C3orf80: variants seen among roughly 807,000 people sequenced by gnomAD.
C3orf80 encodes the protein uncharacterized membrane protein C3orf80.
Under a neutral mutation model 15.8 loss-of-function variants are expected in C3orf80, and 10 were observed. The observed-to-expected ratio is 0.63, with a 90% CI of 0.39 to 1.07. The LOEUF (loss-of-function observed/expected upper bound fraction) is 1.07. Among genes scored for constraint, C3orf80 ranks in the 50% least tolerant of loss-of-function variants. The pLI is 0.01. For synonymous variants in C3orf80, 183 were observed against 192.0 expected, an observed-to-expected ratio of 0.95 and a Z score of 0.39; for missense variants, 364 against 379.3, an observed-to-expected ratio of 0.96 and a Z score of 0.34.
chr3:160,227,937 T>C lies in C3orf80; in HGVS notation c.*1558T>C, dbSNP rs1471291341. The C allele has an allele frequency of 6.6e-6, 1 of 152,196 alleles. No homozygotes were observed. Among genetic ancestry groups the C allele is most frequent in the Non-Finnish European group, 1.5e-5 (1 of 68,020 alleles). 9.4% of individuals were successfully genotyped at this position (152,196 alleles called of 1,614,324 possible). On this transcript the variant is annotated 3_prime_UTR_variant, in exon 1 of 1. Transcript: ENST00000326474. ...CGATTACACACATGGATCTCATACA[T>C]GTTTTTAGAACATTGTTCTTCTGAT...
Position 160,228,165 on chromosome 3 carries a change from G to A in C3orf80, c.*1786G>A, listed in dbSNP as rs898587854. ...TGACTAAAGAAAAATCATTTGAAGTGTATTAAAAAATAGCAAAACATTAAA... is the reference window on the plus strand; with the variant it reads ...TGACTAAAGAAAAATCATTTGAAGTATATTAAAAAATAGCAAAACATTAAA... On this transcript the variant is annotated 3_prime_UTR_variant, in exon 1 of 1. Coordinates refer to ENST00000326474, the MANE Select transcript of C3orf80 (RefSeq NM_001168214.2). The A allele has an allele frequency of 6.6e-6, 1 of 152,096 alleles. No individual in the cohort carries two copies. The highest frequency in any genetic ancestry group is 1.5e-5 in the Non-Finnish European group (1 of 67,972). 9.4% of individuals were successfully genotyped at this position (152,096 alleles called of 1,614,324 possible).
Position 160,225,560 on chromosome 3 carries a change from G to A in C3orf80, c.-76G>A. The A allele has an allele frequency of 8.1e-7, 1 of 1,231,032 alleles. No individual in the cohort carries two copies. Among genetic ancestry groups the A allele is most frequent in the Non-Finnish European group, 1.0e-6 (1 of 982,034 alleles). 76.3% of individuals were successfully genotyped at this position (1,231,032 alleles called of 1,614,324 possible). On this transcript the variant is annotated 5_prime_UTR_variant, in exon 1 of 1. Coordinates refer to ENST00000326474, the MANE Select transcript of C3orf80 (RefSeq NM_001168214.2). The surrounding 1 kb of genome is among the most constrained non-coding windows in gnomAD (Gnocchi z 5.6). Reference sequence around the variant, plus strand: ...CGCGGGACCCGAGCGGAGCGCCGGGGAGGGGCCGACGGACGCGAGGGCGGA... The same window carrying A: ...CGCGGGACCCGAGCGGAGCGCCGGGAAGGGGCCGACGGACGCGAGGGCGGA...
In C3orf80 at chr3:160,226,100, C is replaced by G; in HGVS notation, c.465C>G (p.Asp155Glu). 6.7e-7 allele frequency: 1 copy of G among 1,488,794 alleles called. No homozygotes were observed. Among genetic ancestry groups the G allele is most frequent in the Admixed American group, 2.2e-5 (1 of 44,678 alleles). The allele number at this position is 1,488,794 out of a possible 1,614,324, so 92.2% of individuals were successfully genotyped here. Residue 155 changes from aspartate to glutamate, a missense_variant, in exon 1 of 1, where the codon GAC becomes GAG. Physicochemically the swap from Asp to Glu is conservative, Grantham distance 45. Transcript: ENST00000326474. The surrounding 1 kb of genome is among the most constrained non-coding windows in gnomAD (Gnocchi z 5.2). ...LRDEAAAGSQ[D>E]SLLDSGGGGR... ...ACGAGGCGGCAGCCGGCTCTCAGGA[C>G]TCACTGCTGGACAGTGGCGGCGGCG...
In C3orf80 at chr3:160,226,233, A is replaced by G. The variant is rs2108169551; in HGVS notation, c.598A>G (p.Lys200Glu). The change falls in exon 1 of 1, where the codon AAG becomes GAG. Residue 200 changes from lysine (K) to glutamate (E), a missense_variant. By Grantham distance (56) the Lys-to-Glu change is moderately conservative (BLOSUM62 1). Coordinates refer to ENST00000326474, the MANE Select transcript of C3orf80 (RefSeq NM_001168214.2). The surrounding 1 kb of genome is among the most constrained non-coding windows in gnomAD (Gnocchi z 5.2). Reference sequence around the variant, plus strand: ...GCAGCTGCCCAGCTACGAGGAGGTCAAGTATCTGCCCACCTACGAGGAGTC... The same window carrying G: ...GCAGCTGCCCAGCTACGAGGAGGTCGAGTATCTGCCCACCTACGAGGAGTC... Reference protein sequence around the residue: ...FLQLPSYEEVKYLPTYEESMR... With the variant: ...FLQLPSYEEVEYLPTYEESMR... 1 of 1,531,362 alleles carries G rather than the reference A, an allele frequency of 6.5e-7. No individual in the cohort carries two copies. Among genetic ancestry groups the G allele is most frequent in the Non-Finnish European group, 8.7e-7 (1 of 1,144,768 alleles). The allele number at this position is 1,531,362 out of a possible 1,614,324, so 94.9% of individuals were successfully genotyped here. A position where few individuals can be genotyped will look rare whatever the true frequency, so the allele number is the denominator to read the frequency against.
In C3orf80 at chr3:160,225,524, G is replaced by GA. The variant is rs1725646014; in HGVS notation, c.-111dup. The GA allele has an allele frequency of 9.5e-7, 1 of 1,057,052 alleles. No individual in the cohort carries two copies. Among genetic ancestry groups the GA allele is most frequent in the Non-Finnish European group, 1.2e-6 (1 of 827,952 alleles). The allele number at this position is 1,057,052 out of a possible 1,614,324, so 65.5% of individuals were successfully genotyped here. ...CCGGCCGCAGGTAGCTGAGGCGCGGGAGGCGGCGCGCGCGGGACCCGAGCG... is the reference window on the plus strand; with the variant it reads ...CCGGCCGCAGGTAGCTGAGGCGCGGGAAGGCGGCGCGCGCGGGACCCGAGCG... On this transcript the variant is annotated 5_prime_UTR_variant, in exon 1 of 1. Transcript: ENST00000326474. The surrounding 1 kb of genome is among the most constrained non-coding windows in gnomAD (Gnocchi z 5.6).
Position 160,226,175 on chromosome 3 carries a change from GCACGAGATGCGTGTAGTGT to G in C3orf80, c.542_560del (p.His181ArgfsTer163). ...GCTCGGACCCCTCCTGCGCCTCAGA[GCACGAGATGCGTGTAGTGT>G]CGCCGGTCTTCCTGCAGCTGCCCAG... is the stretch of plus-strand genomic sequence containing the variant. On this transcript the variant is annotated frameshift_variant, in exon 1 of 1. Coordinates refer to ENST00000326474, the MANE Select transcript of C3orf80 (RefSeq NM_001168214.2). LOFTEE classifies it high-confidence loss of function. The surrounding 1 kb of genome is among the most constrained non-coding windows in gnomAD (Gnocchi z 5.2). 1 of 1,529,738 alleles carries G rather than the reference GCACGAGATGCGTGTAGTGT, an allele frequency of 6.5e-7. No individual in the cohort carries two copies. The highest frequency in any genetic ancestry group is 8.7e-7 in the Non-Finnish European group (1 of 1,144,362). The allele number at this position is 1,529,738 out of a possible 1,614,324, so 94.8% of individuals were successfully genotyped here.
Position 160,225,709 on chromosome 3 carries a change from TACTGCTGGCGCTGGC to T in C3orf80, c.75_89del (p.Leu27_Leu31del), listed in dbSNP as rs1471104307. ...CCGCCGCCTCTGCTGCCGCTGCTGC[TACTGCTGGCGCTGGC>T]GCTGGTGGCGCCCTCGCGGGGCGGC... is the stretch of plus-strand genomic sequence containing the variant. On this transcript the variant is annotated inframe_deletion, in exon 1 of 1. Coordinates refer to ENST00000326474, the MANE Select transcript of C3orf80 (RefSeq NM_001168214.2). This position sits in a 1 kb window ranked among gnomAD's most constrained non-coding sequence, Gnocchi z 5.6. 4 of 1,382,202 alleles carry T rather than the reference TACTGCTGGCGCTGGC, an allele frequency of 2.9e-6. No individual in the cohort carries two copies. The highest frequency in any genetic ancestry group is 1.7e-5 in the South Asian group (1 of 59,650). 85.6% of individuals were successfully genotyped at this position (1,382,202 alleles called of 1,614,324 possible). A position where few individuals can be genotyped will look rare whatever the true frequency, so the allele number is the denominator to read the frequency against.
chr3:160,226,210 A>C lies in C3orf80; in HGVS notation c.575A>C (p.Gln192Pro). The C allele has an allele frequency of 6.5e-7, 1 of 1,530,558 alleles. No homozygotes were observed. The highest frequency in any genetic ancestry group is 8.7e-7 in the Non-Finnish European group (1 of 1,144,560). The allele number at this position is 1,530,558 out of a possible 1,614,324, so 94.8% of individuals were successfully genotyped here. Residue 192 changes from glutamine (Q) to proline (P), a missense_variant, in exon 1 of 1, where the codon CAG (glutamine) becomes CCG (proline). Physicochemically the swap from Gln to Pro is moderately conservative, Grantham distance 76. Transcript: ENST00000326474. This position sits in a 1 kb window ranked among gnomAD's most constrained non-coding sequence, Gnocchi z 5.2. ...EMRVVSPVFL[Q>P]LPSYEEVKYL... is the part of the protein sequence containing the mutation. Reference sequence around the variant, plus strand: ...CGTGTAGTGTCGCCGGTCTTCCTGCAGCTGCCCAGCTACGAGGAGGTCAAG... The same window carrying C: ...CGTGTAGTGTCGCCGGTCTTCCTGCCGCTGCCCAGCTACGAGGAGGTCAAG...
In C3orf80 at chr3:160,225,430, C is replaced by T. The variant is rs1363026893; in HGVS notation, c.-206C>T. Reference sequence around the variant, plus strand: ...AAGCTGCTTGGGCCGCCAGTAGCAGCCGCCTCCCGCAGCCTCCGCGCGCCG... The same window carrying T: ...AAGCTGCTTGGGCCGCCAGTAGCAGTCGCCTCCCGCAGCCTCCGCGCGCCG... On this transcript the variant is annotated 5_prime_UTR_variant, in exon 1 of 1. Coordinates refer to ENST00000326474, the MANE Select transcript of C3orf80 (RefSeq NM_001168214.2). This position sits in a 1 kb window ranked among gnomAD's most constrained non-coding sequence, Gnocchi z 5.6. The T allele has an allele frequency of 9.8e-6, 4 of 409,710 alleles. No homozygotes were observed. Among genetic ancestry groups the T allele is most frequent in the African/African-American group, 4.2e-5 (2 of 48,100 alleles). 25.4% of individuals were successfully genotyped at this position (409,710 alleles called of 1,614,324 possible). A position where few individuals can be genotyped will look rare whatever the true frequency, so the allele number is the denominator to read the frequency against.
At position 160,225,465 on chromosome 3, in the gene C3orf80, C is replaced by G. The variant is rs1425956875; in HGVS notation, c.-171C>G. ...CAGCCTCCGCGCGCCGCGGGCTCCT[C>G]CTCCCGCCCAAGCGTGGCCAAGTGA... On this transcript the variant is annotated 5_prime_UTR_variant, in exon 1 of 1. Coordinates refer to ENST00000326474, the MANE Select transcript of C3orf80 (RefSeq NM_001168214.2). The surrounding 1 kb of genome is among the most constrained non-coding windows in gnomAD (Gnocchi z 5.6). 3 of 572,916 alleles carry G rather than the reference C, an allele frequency of 5.2e-6. No homozygotes were observed. In the African/African-American group the frequency reaches 5.9e-5, roughly 11 times the overall value. The allele number at this position is 572,916 out of a possible 1,614,324, so 35.5% of individuals were successfully genotyped here. A position where few individuals can be genotyped will look rare whatever the true frequency, so the allele number is the denominator to read the frequency against.
rs1469048500 is a variant in C3orf80, at chr3:160,226,373, T to G, written c.738T>G (p.Leu246=). 1.4e-6 allele frequency: 2 copies of G among 1,452,226 alleles called. No homozygotes were observed. Among genetic ancestry groups the G allele is most frequent in the Admixed American group, 4.9e-5 (2 of 40,716 alleles). The allele number at this position is 1,452,226 out of a possible 1,614,324, so 90.0% of individuals were successfully genotyped here. Residue 246 remains leucine (L), a synonymous_variant, in exon 1 of 1, where the codon CTT becomes CTG. Transcript: ENST00000326474. This position sits in a 1 kb window ranked among gnomAD's most constrained non-coding sequence, Gnocchi z 5.2. ...ACGGCGGCGAGGGCCGCTACCCTCTTATCTGAGCGCTCGGGGATCGGCGGC... is the reference window on the plus strand; with the variant it reads ...ACGGCGGCGAGGGCCGCTACCCTCTGATCTGAGCGCTCGGGGATCGGCGGC... ...EPDGGEGRYP[L]I
Position 160,226,415 on chromosome 3 carries a change from G to A in C3orf80, c.*36G>A. ...ATCGGCGGCTGGTGCAGGGCTGGGG[G>A]CTGCGGGTGGCAAGCAACGGCCGGG... On this transcript the variant is annotated 3_prime_UTR_variant, in exon 1 of 1. Coordinates refer to ENST00000326474, the MANE Select transcript of C3orf80 (RefSeq NM_001168214.2). This position sits in a 1 kb window ranked among gnomAD's most constrained non-coding sequence, Gnocchi z 5.2. 5.8e-6 allele frequency: 8 copies of A among 1,385,180 alleles called. No individual in the cohort carries two copies. Among genetic ancestry groups the A allele is most frequent in the Middle Eastern group, 2.3e-4 (1 of 4,304 alleles). 85.8% of individuals were successfully genotyped at this position (1,385,180 alleles called of 1,614,324 possible).
rs1193716681 is a variant in C3orf80 at position 160,227,391 on chromosome 3, ATATTT to A, written c.*1019_*1023del. ...CTTATTTTCACTATTTGAGAAGAAT[ATATTT>A]TATTTTTAGTACTGTGGCATAATAT... On this transcript the variant is annotated 3_prime_UTR_variant, in exon 1 of 1. Coordinates refer to ENST00000326474, the MANE Select transcript of C3orf80 (RefSeq NM_001168214.2). 5 of 152,226 alleles carry A rather than the reference ATATTT, an allele frequency of 3.3e-5. No individual in the cohort carries two copies. Among genetic ancestry groups the A allele is most frequent in the Non-Finnish European group, 5.9e-5 (4 of 68,034 alleles). 9.4% of individuals were successfully genotyped at this position (152,226 alleles called of 1,614,324 possible). A position where few individuals can be genotyped will look rare whatever the true frequency, so the allele number is the denominator to read the frequency against.
Position 160,226,330 on chromosome 3 carries a change from G to A in C3orf80, c.695G>A (p.Gly232Glu), listed in dbSNP as rs892990349. 2.7e-6 allele frequency: 4 copies of A among 1,502,348 alleles called. No homozygotes were observed. In the African/African-American group the frequency reaches 5.8e-5, roughly 22 times the overall value. The allele number at this position is 1,502,348 out of a possible 1,614,324, so 93.1% of individuals were successfully genotyped here. ...PVSVLGRPRG[G>E]VAAEPDGGEG... Reference sequence around the variant, plus strand: ...TCGGTGCTTGGCCGCCCTCGAGGCGGGGTCGCCGCGGAGCCCGACGGCGGC... The same window carrying A: ...TCGGTGCTTGGCCGCCCTCGAGGCGAGGTCGCCGCGGAGCCCGACGGCGGC... The change falls in exon 1 of 1, where the codon GGG becomes GAG. Residue 232 changes from glycine (G) to glutamate (E), a missense_variant. Coordinates refer to ENST00000326474, the MANE Select transcript of C3orf80 (RefSeq NM_001168214.2). This position sits in a 1 kb window ranked among gnomAD's most constrained non-coding sequence, Gnocchi z 5.2.
chr3:160,225,771 T>C lies in C3orf80; in HGVS notation c.136T>C (p.Cys46Arg). Residue 46 changes from cysteine to arginine, a missense_variant, in exon 1 of 1, where the codon TGC becomes CGC. Cys to Arg is a radical substitution (Grantham distance 180). Transcript: ENST00000326474. This position sits in a 1 kb window ranked among gnomAD's most constrained non-coding sequence, Gnocchi z 5.6. ...RGGGGCAELA[C>R]GERERCCDAT... Reference sequence around the variant, plus strand: ...CGGCGGGGGCTGCGCTGAGCTGGCGTGCGGCGAGCGGGAGCGCTGCTGCGA... The same window carrying C: ...CGGCGGGGGCTGCGCTGAGCTGGCGCGCGGCGAGCGGGAGCGCTGCTGCGA... 1 of 1,449,008 alleles carries C rather than the reference T, an allele frequency of 6.9e-7. No homozygotes were observed. Among genetic ancestry groups the C allele is most frequent in the Non-Finnish European group, 9.1e-7 (1 of 1,104,860 alleles). The allele number at this position is 1,449,008 out of a possible 1,614,324, so 89.8% of individuals were successfully genotyped here.
chr3:160,226,332 G>A lies in C3orf80; in HGVS notation c.697G>A (p.Val233Ile). The A allele has an allele frequency of 5.3e-6, 8 of 1,502,332 alleles. No homozygotes were observed. The highest frequency in any genetic ancestry group is 7.1e-6 in the Non-Finnish European group (8 of 1,131,168). 93.1% of individuals were successfully genotyped at this position (1,502,332 alleles called of 1,614,324 possible). The stretch of plus-strand genomic sequence containing the variant: ...GGTGCTTGGCCGCCCTCGAGGCGGG[G>A]TCGCCGCGGAGCCCGACGGCGGCGA... ...VSVLGRPRGG[V>I]AAEPDGGEGR... The change falls in exon 1 of 1, where the codon GTC becomes ATC. Residue 233 changes from valine to isoleucine, a missense_variant. Physicochemically the swap from Val to Ile is conservative, Grantham distance 29. Coordinates refer to ENST00000326474, the MANE Select transcript of C3orf80 (RefSeq NM_001168214.2). This position sits in a 1 kb window ranked among gnomAD's most constrained non-coding sequence, Gnocchi z 5.2.
At position 160,226,462 on chromosome 3, in the gene C3orf80, G is replaced by A; in HGVS notation, c.*83G>A. 7.4e-7 allele frequency: 1 copy of A among 1,344,958 alleles called. No individual in the cohort carries two copies. Among genetic ancestry groups the A allele is most frequent in the South Asian group, 1.7e-5 (1 of 58,304 alleles). The allele number at this position is 1,344,958 out of a possible 1,614,324, so 83.3% of individuals were successfully genotyped here. On this transcript the variant is annotated 3_prime_UTR_variant, in exon 1 of 1. Coordinates refer to ENST00000326474, the MANE Select transcript of C3orf80 (RefSeq NM_001168214.2). This position sits in a 1 kb window ranked among gnomAD's most constrained non-coding sequence, Gnocchi z 5.2. Reference sequence around the variant, plus strand: ...CGGGGTGCCGCCGCCAACTGCCTCAGACCTTATCTGGCACCCTGGCCTAAC... The same window carrying A: ...CGGGGTGCCGCCGCCAACTGCCTCAAACCTTATCTGGCACCCTGGCCTAAC...
rs1356197304 is a variant in C3orf80 at position 160,227,286 on chromosome 3, A to T, written c.*907A>T. 6.6e-6 allele frequency: 1 copy of T among 152,230 alleles called. No homozygotes were observed. The highest frequency in any genetic ancestry group is 1.5e-5 in the Non-Finnish European group (1 of 68,046). 9.4% of individuals were successfully genotyped at this position (152,230 alleles called of 1,614,324 possible). On this transcript the variant is annotated 3_prime_UTR_variant, in exon 1 of 1. Coordinates refer to ENST00000326474, the MANE Select transcript of C3orf80 (RefSeq NM_001168214.2). ...CTCTGTCATTATTGTTTAATAAATC[A>T]TTAAATTATTTCATTAAAAAAGAAA...
Position 160,225,819 on chromosome 3 carries a change from C to CGCTGCTGCAAGCT in C3orf80, c.187_199dup (p.Pro67LeufsTer222), listed in dbSNP as rs1165959768. ...CGACGCGACCAACGCCACGGCGGTG[C>CGCTGCTGCAAGCT]GCTGCTGCAAGCTGCCGCTGCACGC... On this transcript the variant is annotated frameshift_variant, in exon 1 of 1. Coordinates refer to ENST00000326474, the MANE Select transcript of C3orf80 (RefSeq NM_001168214.2). LOFTEE classifies it high-confidence loss of function. The surrounding 1 kb of genome is among the most constrained non-coding windows in gnomAD (Gnocchi z 5.6). The CGCTGCTGCAAGCT allele has an allele frequency of 6.8e-5, 101 of 1,479,804 alleles. No individual in the cohort carries two copies. Among genetic ancestry groups the CGCTGCTGCAAGCT allele is most frequent in the Non-Finnish European group, 8.7e-5 (98 of 1,120,402 alleles). The allele number at this position is 1,479,804 out of a possible 1,614,324, so 91.7% of individuals were successfully genotyped here.
Sources: allele counts gnomAD v4.1 joint callset, GRCh38; gene constraint gnomAD v4.1.1; non-coding constraint Gnocchi (gnomAD v3.1); transcripts MANE v1.5; gene names NCBI Gene and HGNC (gene_info 2026-07-23, HGNC 2026-07-21).